FYB2: variants seen among roughly 807,000 people sequenced by gnomAD.
The protein encoded by FYB2 is FYN-binding protein 2.
Under a neutral mutation model 94.1 loss-of-function variants are expected in FYB2, and 103 were observed. The ratio of observed to expected loss-of-function variants is 1.09; its 90% CI spans 0.93 to 1.29. FYB2 has a LOEUF of 1.29. Among genes scored for constraint, FYB2 ranks in the 50% most tolerant of loss-of-function variants. The pLI is 0.00. For synonymous variants in FYB2, 293 were observed against 287.9 expected (o/e 1.02, Z -0.18); for missense variants, 896 against 841.5 (o/e 1.06, Z -0.80).
chr1:56,732,382 T>C (rs1261109004), intron 15 of FYB2, among the ~76,000 whole-genome samples: 1 of 152,166 alleles, frequency 6.6e-6, no homozygotes, highest in Non-Finnish European at 1.5e-5. Context: ...GAAGAATTAA[T>C]ATTGTTAAAA....
chr1:56,743,928 TA>T, intron 11 of FYB2, 97 bp downstream of exon 11: 1 of 1,341,046 alleles, frequency 7.5e-7, no homozygotes, highest in Non-Finnish European at 1.0e-6. Context: ...TTGGCATTAT[TA>T]AAATATGAAT....
chr1:56,732,755 T>A (rs1387064188), intron 15 of FYB2, among the ~76,000 whole-genome samples: 2 of 152,042 alleles, frequency 1.3e-5, no homozygotes. Context: ...TAAATGGTGC[T>A]AGGAAAACTG....
chr1:56,744,309 C>T (rs1485692077), intron 9 of FYB2, 43 bp from the exon 10 acceptor site: 6 of 1,443,332 alleles, frequency 4.2e-6, no homozygotes, highest in African/African-American at 1.4e-5. Context: ...ACATCAGCTG[C>T]CATCATAAAG....
chr1:56,737,635 T>C (rs1027082200), intron 14 of FYB2: 2 of 152,482 alleles, frequency 1.3e-5, no homozygotes, highest in African/African-American at 4.8e-5. Flanking sequence ...TCTTGCATAA[T>C]GTTGAATCTG....
chr1:56,816,349 A>G (rs1465868845), intron 1 of FYB2, among the ~76,000 whole-genome samples: 1 of 152,192 alleles, frequency 6.6e-6, no homozygotes, highest in African/African-American at 2.4e-5. Flanking sequence ...GAATGTCTAC[A>G]TCACGTGTCT....
At chr1:56,770,703 C>T (rs978875003) in intron 4 of FYB2, among the ~76,000 whole-genome samples, 1 of 152,070 alleles carries the variant, frequency 6.6e-6, no homozygotes, top group African/African-American at 2.4e-5. Flanking sequence ...GATAAACGCT[C>T]TTCACTAGAT....
chr1:56,752,227 T>C (rs1053141132), intron 8 of FYB2, among the ~76,000 whole-genome samples: 2 of 152,038 alleles, frequency 1.3e-5, no homozygotes, highest in African/African-American at 4.8e-5. Flanking sequence ...GTTTGGGCTT[T>C]ATTTCTTAAC....
intron 1 of FYB2, among the ~76,000 whole-genome samples, chr1:56,798,041 T>C (rs1646439765): frequency 6.6e-6 from 1 of 152,184 alleles, no homozygotes; most frequent in Non-Finnish European, 1.5e-5. Flanking sequence ...AGGGCCAGTA[T>C]CCTATTTATG....
chr1:56,744,101 C>T, intron 10 of FYB2, 35 bp from the exon 11 acceptor site: 1 of 1,612,312 alleles, frequency 6.2e-7, no homozygotes, highest in Non-Finnish European at 8.5e-7. Context: ...ATTATTGTAC[C>T]TTTAAAGTCT....
At chr1:56,729,713 A>G (rs1369819369) in intron 15 of FYB2, among the ~76,000 whole-genome samples, 2 of 152,120 alleles carry the variant, frequency 1.3e-5, no homozygotes, top group African/African-American at 2.4e-5. Flanking sequence ...CATGTTACTC[A>G]TGTTCTGTAT....
chr1:56,809,222 A>T (rs1212150760), intron 1 of FYB2, among the ~76,000 whole-genome samples: 1 of 152,222 alleles, frequency 6.6e-6, no homozygotes, highest in Non-Finnish European at 1.5e-5. Context: ...GTCTACAGAG[A>T]TCATTCGTTC....
At chr1:56,816,651 A>G (rs1646888317) in intron 1 of FYB2, among the ~76,000 whole-genome samples, 1 of 152,194 alleles carries the variant, frequency 6.6e-6, no homozygotes, top group Non-Finnish European at 1.5e-5. Flanking sequence ...GTGCTATTCT[A>G]GATAATGTAG....
intron 3 of FYB2, 68 bp downstream of exon 3, chr1:56,788,905 T>C: frequency 1.3e-6 from 2 of 1,579,056 alleles, no homozygotes; most frequent in Non-Finnish European, 8.7e-7. Flanking sequence ...CATCGTCACC[T>C]GGGAGAGGAT....
intron 4 of FYB2, among the ~76,000 whole-genome samples, chr1:56,772,246 A>G (rs1344095958): frequency 1.3e-5 from 2 of 152,132 alleles, no homozygotes; most frequent in African/African-American, 4.8e-5. Context: ...AATTTCTTAG[A>G]CCACTTTGGT....
chr1:56,792,395 G>T lies in FYB2; in HGVS notation c.418C>A (p.Leu140Ile). The change falls in exon 2 of 20, where the codon CTC (leucine) becomes ATC (isoleucine). Residue 140 changes from leucine (L) to isoleucine (I), a missense_variant. By Grantham distance (5) the Leu-to-Ile change is conservative. Transcript: ENST00000343433. Reference sequence around the variant, plus strand: ...GATGAAACCTTCTCCCAGTTCCAGAGTTTGTTTCTGAAGCTATTGGCCACC... The same window carrying T: ...GATGAAACCTTCTCCCAGTTCCAGATTTTGTTTCTGAAGCTATTGGCCACC... ...VMVANSFRNK[L>I]WNWEKVSSQK... 6.2e-7 allele frequency: 1 copy of T among 1,614,148 alleles called. No homozygotes were observed. The highest frequency in any genetic ancestry group is 2.2e-5 in the East Asian group (1 of 44,878).
rs147629154 is a variant in FYB2 at position 56,796,664 on chromosome 1, C to T, written c.10-3861G>A. Among the ~76,000 whole-genome samples, 23 of 152,254 alleles carry T rather than the reference C, an allele frequency of 1.5e-4. 1 individual carries two copies. The East Asian group carries it at 3.9e-3, about 26-fold the overall frequency. On this transcript the variant is annotated intron_variant, in intron 1 of 19. Coordinates refer to ENST00000343433, the MANE Select transcript of FYB2 (RefSeq NM_001004303.5). ...TTTTGCTTAGCACATAAGACCCATCCTAATCCCGACCCTCTTAATGCTCCA... is the reference window on the plus strand; with the variant it reads ...TTTTGCTTAGCACATAAGACCCATCTTAATCCCGACCCTCTTAATGCTCCA...
chr1:56,805,292 C>T (rs866708625), intron 1 of FYB2, among the ~76,000 whole-genome samples: 44 of 152,134 alleles, frequency 2.9e-4, no homozygotes, highest in African/African-American at 8.7e-4. Flanking sequence ...GATACGTGTC[C>T]TTTTGAATTA....
At chr1:56,777,239 C>CAAAAAAAAAAAAAAAAAAAAAAA (rs1453236717) in intron 4 of FYB2, among the ~76,000 whole-genome samples, 2 of 4,800 alleles carry the variant, frequency 4.2e-4, no homozygotes, top group Non-Finnish European at 2.6e-4. Context: ...GTCTCAAAAA[C>CAAAAAAAAAAAAAAAAAAAAAAA]AAAAAAAAAA....
At chr1:56,778,638 A>G (rs1039036864) in intron 4 of FYB2, among the ~76,000 whole-genome samples, 1 of 152,146 alleles carries the variant, frequency 6.6e-6, no homozygotes, top group Non-Finnish European at 1.5e-5. Flanking sequence ...AGAAAAACAT[A>G]AAAAATAAAT....
Sources: allele counts gnomAD v4.1 joint callset (sites outside exome capture counted in the v4.1 genomes callset), GRCh38; gene constraint gnomAD v4.1.1; transcripts MANE v1.5; gene names NCBI Gene and HGNC (gene_info 2026-07-23, HGNC 2026-07-21).